Variants in OR56A3 observed in about 807,000 individuals in gnomAD.
OR56A3 encodes olfactory receptor 56A3.
A neutral mutation model predicts 17.5 loss-of-function variants in OR56A3; 23 were observed. The observed-to-expected ratio is 1.32, with a 90% CI of 0.95 to 1.87. The LOEUF is 1.87. Ranked by LOEUF, OR56A3 falls within the 40% of genes most tolerant of loss-of-function variation. OR56A3 has a pLI of 0.00. For synonymous variants in OR56A3, 175 were observed against 150.6 expected (o/e 1.16, Z -1.19); for missense variants, 366 against 380.1 (o/e 0.96, Z 0.31).
the OR56A3 span, among the ~76,000 whole-genome samples, chr11:6,014,633 C>A: frequency 1.3e-5 from 2 of 152,066 alleles, no homozygotes; most frequent in South Asian, 4.2e-4. Context: ...GTGGAAGCAA[C>A]TTTGGAACCG....
chr11:5,979,708 C>G, the OR56A3 span, among the ~76,000 whole-genome samples: 1 of 151,972 alleles, frequency 6.6e-6, no homozygotes, highest in East Asian at 1.9e-4. Context: ...TCATTCAGTT[C>G]ACCTCTGGTT....
chr11:5,978,833 T>A, the OR56A3 span, among the ~76,000 whole-genome samples: 1 of 152,234 alleles, frequency 6.6e-6, no homozygotes, highest in South Asian at 2.1e-4. Flanking sequence ...GCTCATTCAG[T>A]ATGATGTTGG....
chr11:5,994,663 C>G, the OR56A3 span: 1 of 790,638 alleles, frequency 1.3e-6, no homozygotes, highest in East Asian at 2.5e-5. Flanking sequence ...CTGTCTCATA[C>G]TTGATTCTAA....
At chr11:6,002,994 TAA>T in the OR56A3 span, 3 of 1,614,154 alleles carry the variant, frequency 1.9e-6, no homozygotes, top group Non-Finnish European at 2.5e-6. Context: ...AGATGCCATG[TAA>T]AGTTTCCTGA....
chr11:5,994,152 A>G, the OR56A3 span: 1 of 508,156 alleles, frequency 2.0e-6, no homozygotes, highest in Non-Finnish European at 3.9e-6. Flanking sequence ...GCAGGATCCC[A>G]TTGAGCTGCT....
chr11:5,968,315 C>G, the OR56A3 span: 1 of 1,612,636 alleles, frequency 6.2e-7, no homozygotes, highest in East Asian at 2.2e-5. Context: ...AGTACAGGGG[C>G]TGGTGCAGAG....
At chr11:6,014,899 G>T in the OR56A3 span, among the ~76,000 whole-genome samples, 1 of 140,956 alleles carries the variant, frequency 7.1e-6, no homozygotes, top group South Asian at 2.3e-4. Context: ...GTGGAACTTT[G>T]ATCTTGAGAG....
At chr11:6,007,920 G>T in the OR56A3 span, among the ~76,000 whole-genome samples, 1 of 152,190 alleles carries the variant, frequency 6.6e-6, no homozygotes, top group Non-Finnish European at 1.5e-5. Flanking sequence ...CATGCTCATG[G>T]TGTCATGTCC....
chr11:5,993,937 G>C, the OR56A3 span: 6 of 457,278 alleles, frequency 1.3e-5, no homozygotes, highest in African/African-American at 1.2e-4. Flanking sequence ...CTCTGTGGCG[G>C]GTGGTAGTCT....
chr11:6,009,965 G>C, the OR56A3 span, among the ~76,000 whole-genome samples: 1 of 151,756 alleles, frequency 6.6e-6, no homozygotes, highest in African/African-American at 2.4e-5. Context: ...TTCAACTTTA[G>C]CTCCATTTTA....
chr11:6,001,714 G>A, the OR56A3 span: 1 of 193,244 alleles, frequency 5.2e-6, no homozygotes, highest in Non-Finnish European at 1.0e-5. Flanking sequence ...CTTTTTAAGG[G>A]CATTATATAA....
downstream of OR56A3, among the ~76,000 whole-genome samples, chr11:5,953,412 G>A (rs1200984030): frequency 1.3e-5 from 2 of 152,112 alleles, no homozygotes; most frequent in Admixed American, 6.6e-5. Context: ...CTGATGTTGA[G>A]CATTTTTTCA....
chr11:6,010,070 T>TA, the OR56A3 span, among the ~76,000 whole-genome samples: 4 of 129,130 alleles, frequency 3.1e-5, no homozygotes, highest in Non-Finnish European at 3.4e-5. Flanking sequence ...GGTGTTTTTT[T>TA]AAAAAAAATA....
chr11:5,963,465 T>C, the OR56A3 span, among the ~76,000 whole-genome samples: 1 of 140,814 alleles, frequency 7.1e-6, no homozygotes, highest in Non-Finnish European at 1.6e-5. Context: ...GGTTGGCAGA[T>C]TTTTTGGTGT....
chr11:5,981,352 A>G, the OR56A3 span, among the ~76,000 whole-genome samples: 3 of 152,204 alleles, frequency 2.0e-5, no homozygotes, highest in Admixed American at 6.5e-5. Context: ...TAAAAGTTGC[A>G]TTTATTCCTT....
chr11:5,995,163 G>T, the OR56A3 span, among the ~76,000 whole-genome samples: 2 of 152,246 alleles, frequency 1.3e-5, no homozygotes, highest in Non-Finnish European at 2.9e-5. Flanking sequence ...AACTCCTGCT[G>T]TGCAGGTAGG....
chr11:5,956,974 G>A, the OR56A3 span, among the ~76,000 whole-genome samples: 1 of 152,058 alleles, frequency 6.6e-6, no homozygotes, highest in African/African-American at 2.4e-5. Context: ...TGACCAACAC[G>A]GTGAAACTCA....
chr11:5,986,178 G>A, the OR56A3 span: 1 of 1,613,872 alleles, frequency 6.2e-7, no homozygotes, highest in Non-Finnish European at 8.5e-7. Context: ...CCTTAAGTCG[G>A]GCCTCACTCC....
the OR56A3 span, among the ~76,000 whole-genome samples, chr11:6,011,718 C>G: frequency 0.14 from 20,934 of 152,206 alleles, 1,746 homozygotes; most frequent in Non-Finnish European, 0.19. Flanking sequence ...AGGTTACACT[C>G]AACTCATGCT....
Sources: gnomAD v4.1 joint callset for allele counts (sites outside exome capture counted in the v4.1 genomes callset) on GRCh38, gnomAD v4.1.1 for gene constraint, MANE v1.5 for transcripts, NCBI Gene and HGNC (gene_info 2026-07-23, HGNC 2026-07-21) for gene names.